Variants in POM121 observed in about 807,000 individuals in gnomAD.
The protein encoded by POM121 is POM121 transmembrane nucleoporin, also known as nuclear envelope pore membrane protein POM 121.
Under a neutral mutation model 81.3 loss-of-function variants are expected in POM121, and 32 were observed. The observed-to-expected ratio is 0.39, with a 90% CI of 0.30 to 0.53. The LOEUF (loss-of-function observed/expected upper bound fraction) is 0.53. POM121 is among the 20% of genes least tolerant of loss of function. The pLI is 0.66. For missense variants in POM121, 1,138 were observed against 1,614.6 expected (o/e 0.70, Z 5.06); for synonymous variants, 514 against 694.2 (o/e 0.74, Z 4.08).
chr7:72,912,842 C>T (rs1793936781), intron 3 of POM121, among the ~76,000 whole-genome samples: 2 of 152,136 alleles, frequency 1.3e-5, no homozygotes, highest in South Asian at 4.1e-4. Flanking sequence ...GCAGAATGAG[C>T]AAAACTTGAG....
intron 5 of POM121, among the ~76,000 whole-genome samples, chr7:72,933,204 T>A (rs1563161467): frequency 2.0e-5 from 3 of 151,648 alleles, no homozygotes; most frequent in South Asian, 2.1e-4. Flanking sequence ...ATACAAAAAA[T>A]TTAGCCAGGC....
At chr7:72,941,694 C>T in intron 10 of POM121, 143 bp from the exon 11 acceptor site, 1 of 994,466 alleles carries the variant, frequency 1.0e-6, no homozygotes, top group South Asian at 1.7e-5. Context: ...ACTGTACAGG[C>T]CTGTAGTGTA....
intron 3 of POM121, among the ~76,000 whole-genome samples, chr7:72,905,208 A>G (rs1350661209): frequency 6.6e-6 from 1 of 152,100 alleles, no homozygotes; most frequent in East Asian, 1.9e-4. Flanking sequence ...ATCAGTCAAC[A>G]CGTTATATTT....
chr7:72,894,599 TAG>T (rs1187942641), intron 3 of POM121, among the ~76,000 whole-genome samples: 2 of 128,826 alleles, frequency 1.6e-5, no homozygotes. Flanking sequence ...AAACTCTTTC[TAG>T]AGAGAGAGAG....
At chr7:72,888,015 G>A (rs563714951) in intron 1 of POM121, among the ~76,000 whole-genome samples, 1 of 152,182 alleles carries the variant, frequency 6.6e-6, no homozygotes, top group African/African-American at 2.4e-5. Flanking sequence ...CTGTCTATAT[G>A]TTTTTTCTAA....
intron 7 of POM121, 111 bp from the exon 8 acceptor site, chr7:72,939,736 C>A: frequency 6.2e-7 from 1 of 1,608,158 alleles, no homozygotes; most frequent in African/African-American, 1.3e-5. Flanking sequence ...AAGATTGAAT[C>A]TTTTCAGAGA....
At chr7:72,940,142 G>A (rs1407677884) in intron 8 of POM121, among the ~76,000 whole-genome samples, 174 bp downstream of exon 8, 1 of 148,412 alleles carries the variant, frequency 6.7e-6, no homozygotes, top group Non-Finnish European at 1.5e-5. Context: ...TTGGCTAACC[G>A]TAACCTCTGC....
At chr7:72,900,772 G>A (rs782762740) in intron 3 of POM121, among the ~76,000 whole-genome samples, 3 of 152,052 alleles carry the variant, frequency 2.0e-5, no homozygotes, top group East Asian at 1.9e-4. Flanking sequence ...CCAAAGTGTT[G>A]GGACTAGAGG....
intron 5 of POM121, among the ~76,000 whole-genome samples, chr7:72,937,317 G>A (rs1355164795): frequency 2.6e-5 from 4 of 151,958 alleles, no homozygotes; most frequent in African/African-American, 9.7e-5. Context: ...GTAGTGTCAG[G>A]GATCTGAAGT....
intron 4 of POM121, among the ~76,000 whole-genome samples, chr7:72,914,861 T>C (rs1554494877): frequency 2.0e-5 from 3 of 152,170 alleles, no homozygotes; most frequent in East Asian, 3.8e-4. Context: ...GTCTCTGGCC[T>C]GCAGTTCTGT....
chr7:72,925,130 G>C lies in POM121; in HGVS notation c.9G>C (p.Pro3=), dbSNP rs1554496775. 2 of 1,432,530 alleles carry C rather than the reference G, an allele frequency of 1.4e-6. No individual in the cohort carries two copies. Among genetic ancestry groups the C allele is most frequent in the Admixed American group, 3.2e-5 (1 of 31,556 alleles). The allele number at this position is 1,432,530 out of a possible 1,614,324, so 88.7% of individuals were successfully genotyped here. Residue 3 remains proline, a synonymous_variant, in exon 1 of 13, where the codon CCG becomes CCC. Transcript: ENST00000434423. The stretch of plus-strand genomic sequence containing the variant: ...CGCGGCGCGGAGCCGCGATGTCTCC[G>C]GCGGCTGCGGCGGCTGGAGCAGGCG... MS[P]AAAAAGAGER...
intron 1 of POM121, among the ~76,000 whole-genome samples, chr7:72,884,069 C>T (rs868992795): frequency 4.6e-5 from 7 of 152,072 alleles, no homozygotes; most frequent in Admixed American, 6.5e-5. Flanking sequence ...CAATGCCCAG[C>T]GGATTTTTTA....
chr7:72,943,157 C>T lies in POM121; in HGVS notation c.3164C>T (p.Pro1055Leu). 2.5e-6 allele frequency: 4 copies of T among 1,613,450 alleles called. No homozygotes were observed. The highest frequency in any genetic ancestry group is 3.4e-6 in the Non-Finnish European group (4 of 1,179,774). ...SAFGAPASSQ[P>L]AFGGSTAVFF... ...TTCGGCGCTCCCGCCAGCTCACAGCCCGCCTTTGGCGGCTCCACTGCTGTC... is the reference window on the plus strand; with the variant it reads ...TTCGGCGCTCCCGCCAGCTCACAGCTCGCCTTTGGCGGCTCCACTGCTGTC... The change falls in exon 11 of 13, where the codon CCC (proline) becomes CTC (leucine). Residue 1055 changes from proline (P) to leucine (L), a missense_variant. Pro to Leu is a moderately conservative substitution (Grantham distance 98). Around this residue, in one of 7 missense-constraint regions of POM121, gnomAD observed 336 missense variants for 344.3 expected, o/e 0.98. Coordinates refer to ENST00000434423, the MANE Select transcript of POM121 (RefSeq NM_001387691.1).
chr7:72,932,199 C>A (rs1273189888), intron 5 of POM121, among the ~76,000 whole-genome samples: 11 of 149,822 alleles, frequency 7.3e-5, no homozygotes, highest in Non-Finnish European at 1.0e-4. Flanking sequence ...AAGATACACT[C>A]AAAAATTCAG....
intron 11 of POM121, 137 bp downstream of exon 11, chr7:72,943,659 A>C (rs1292724728): frequency 4.9e-6 from 7 of 1,431,780 alleles, no homozygotes; most frequent in East Asian, 2.5e-5. Flanking sequence ...GATGCCAGGG[A>C]ACGATACATG....
rs1797801076 is a variant in POM121, at chr7:72,947,920, C to G, written c.*1686C>G. 2.9e-6 allele frequency: 3 copies of G among 1,026,548 alleles called. No homozygotes were observed. Among genetic ancestry groups the G allele is most frequent in the East Asian group, 8.2e-5 (1 of 12,150 alleles). The allele number at this position is 1,026,548 out of a possible 1,614,324, so 63.6% of individuals were successfully genotyped here. ...TCCCACCCCTCAGAACAGCTCTGATCCTCGTTAATACCTGGCTGCGTGTGC... is the reference window on the plus strand; with the variant it reads ...TCCCACCCCTCAGAACAGCTCTGATGCTCGTTAATACCTGGCTGCGTGTGC... On this transcript the variant is annotated 3_prime_UTR_variant, in exon 13 of 13. Transcript: ENST00000434423.
chr7:72,890,975 G>A (rs1247295502), exon 3 of POM121: 20 of 1,298,756 alleles, frequency 1.5e-5, no homozygotes, highest in African/African-American at 1.2e-4. Flanking sequence ...ATCTGAAGCC[G>A]AGCAACTTGC....
chr7:72,935,315 G>T (rs1324525540), intron 5 of POM121, among the ~76,000 whole-genome samples: 1 of 151,950 alleles, frequency 6.6e-6, no homozygotes, highest in Non-Finnish European at 1.5e-5. Flanking sequence ...TGGGACCACA[G>T]GCATGCATCA....
chr7:72,902,119 A>C (rs1435842881), intron 3 of POM121, among the ~76,000 whole-genome samples: 2 of 151,834 alleles, frequency 1.3e-5, no homozygotes, highest in African/African-American at 4.8e-5. Flanking sequence ...GAAAAAAAAA[A>C]CAAAAAACAA....
Sources: allele counts gnomAD v4.1 joint callset (sites outside exome capture counted in the v4.1 genomes callset), GRCh38; gene constraint gnomAD v4.1.1; regional missense constraint gnomAD v4.1.1; transcripts MANE v1.5; gene names NCBI Gene and HGNC (gene_info 2026-07-23, HGNC 2026-07-21).